SLC30A5: variants seen among roughly 807,000 people sequenced by gnomAD.
SLC30A5 encodes solute carrier family 30 member 5, also known as proton-coupled zinc antiporter SLC30A5.
In SLC30A5, 33 loss-of-function variants were observed where a neutral mutation model predicts 79.6. The observed-to-expected ratio is 0.41, with a 90% confidence interval of 0.31 to 0.55. SLC30A5 has a LOEUF of 0.55. Ranked by LOEUF, SLC30A5 falls within the 20% of genes least tolerant of loss-of-function variation. The pLI is 0.20. For synonymous variants in SLC30A5, 299 were observed against 319.7 expected, an observed-to-expected ratio of 0.94 and a Z score of 0.69; for missense variants, 788 against 928.1, an observed-to-expected ratio of 0.85 and a Z score of 1.96.
chr5:69,122,208 C>T (rs1417155018), intron 13 of SLC30A5, among the ~76,000 whole-genome samples: 2 of 152,102 alleles, frequency 1.3e-5, no homozygotes, highest in African/African-American at 2.4e-5. Context: ...ACCAGCCTGG[C>T]CAATATGGTG....
At chr5:69,110,997 C>CTT (rs565058785) in intron 5 of SLC30A5, among the ~76,000 whole-genome samples, 5 of 142,792 alleles carry the variant, frequency 3.5e-5, no homozygotes, top group African/African-American at 5.1e-5. Flanking sequence ...ATTGTTTTTT[C>CTT]TTTTTTTTTT....
At chr5:69,123,471 T>C in intron 14 of SLC30A5, 46 bp downstream of exon 14, 1 of 1,462,986 alleles carries the variant, frequency 6.8e-7, no homozygotes, top group Non-Finnish European at 9.5e-7. Context: ...GAAAATCACA[T>C]TTTTGAAGTC....
intron 1 of SLC30A5, among the ~76,000 whole-genome samples, chr5:69,098,752 C>T (rs184581912): frequency 4.7e-4 from 72 of 152,288 alleles, no homozygotes; most frequent in Non-Finnish European, 6.5e-4. Context: ...AAGGATACCA[C>T]TTCTTAGTTT....
intron 4 of SLC30A5, among the ~76,000 whole-genome samples, chr5:69,106,479 C>T (rs1460352861): frequency 1.3e-5 from 2 of 152,150 alleles, no homozygotes; most frequent in Admixed American, 1.3e-4. Context: ...TAGCTCCTGA[C>T]CTTATCACTA....
intron 2 of SLC30A5, 49 bp from the exon 3 acceptor site, chr5:69,103,013 G>T (rs1272575357): frequency 1.1e-6 from 1 of 907,472 alleles, no homozygotes; most frequent in Admixed American, 2.2e-5. Context: ...ACTGTATCTT[G>T]TGTTTAATAT....
intron 2 of SLC30A5, chr5:69,102,448 T>G (rs1184085855): frequency 6.6e-6 from 1 of 152,172 alleles, no homozygotes; most frequent in Admixed American, 6.5e-5. Flanking sequence ...TATTTCAAGA[T>G]TTATTACTGA....
chr5:69,108,254 G>A (rs1746139723), intron 4 of SLC30A5, 95 bp from the exon 5 acceptor site: 1 of 939,180 alleles, frequency 1.1e-6, no homozygotes, highest in East Asian at 2.5e-5. Flanking sequence ...GTGAAATCAA[G>A]GGGAAATGTT....
chr5:69,114,448 T>A lies in SLC30A5; in HGVS notation c.564T>A (p.Thr188=), dbSNP rs754783862. 9.9e-6 allele frequency: 16 copies of A among 1,610,864 alleles called. No individual in the cohort carries two copies. In the Admixed American group the frequency reaches 2.7e-4, roughly 27 times the overall value. ...HPEGHHDSAL[T]HMLYTAIAFL... is the part of the protein sequence containing the mutation. ...AAGGACATCATGACAGTGCTCTAAC[T>A]CATATGCTTTACACAGCCATTGCCT... is the stretch of plus-strand genomic sequence containing the variant. Residue 188 remains threonine (T), a synonymous_variant, in exon 7 of 16, where the codon ACT becomes ACA. Transcript: ENST00000396591.
Position 69,114,462 on chromosome 5 carries a change from C to G in SLC30A5, c.578C>G (p.Thr193Arg). 1.2e-6 allele frequency: 2 copies of G among 1,609,388 alleles called. No homozygotes were observed. Among genetic ancestry groups the G allele is most frequent in the South Asian group, 1.1e-5 (1 of 90,974 alleles). ...AGTGCTCTAACTCATATGCTTTACACAGCCATTGCCTTCTTAGGTGTGGCA... is the reference window on the plus strand; with the variant it reads ...AGTGCTCTAACTCATATGCTTTACAGAGCCATTGCCTTCTTAGGTGTGGCA... ...HDSALTHMLYTAIAFLGVADH... is the reference protein window; with the variant it reads ...HDSALTHMLYRAIAFLGVADH... The change falls in exon 7 of 16, where the codon ACA becomes AGA. Residue 193 changes from threonine (T) to arginine (R), a missense_variant. This residue lies in a region of SLC30A5 where 626 missense variants were observed against 755.5 expected (regional missense o/e 0.83). Transcript: ENST00000396591.
intron 1 of SLC30A5, among the ~76,000 whole-genome samples, 193 bp from the exon 2 acceptor site, chr5:69,100,612 TAA>T (rs33982147): frequency 0.34 from 45,067 of 134,488 alleles, 8,458 homozygotes; most frequent in African/African-American, 0.52. Context: ...CTCTATGAGT[TAA>T]AAAAAAAAAA....
chr5:69,099,539 G>A (rs984289594), intron 1 of SLC30A5, among the ~76,000 whole-genome samples: 3 of 152,120 alleles, frequency 2.0e-5, no homozygotes, highest in Non-Finnish European at 4.4e-5. Context: ...GTGGGAACCT[G>A]GGGATCTGAT....
At chr5:69,107,762 C>T (rs1401546455) in intron 4 of SLC30A5, among the ~76,000 whole-genome samples, 5 of 145,460 alleles carry the variant, frequency 3.4e-5, no homozygotes, top group African/African-American at 5.1e-5. Context: ...GAGATGGAGT[C>T]TCACTGTGTC....
At chr5:69,126,682 A>G (rs1399072383) in intron 14 of SLC30A5, among the ~76,000 whole-genome samples, 3 of 151,894 alleles carry the variant, frequency 2.0e-5, no homozygotes, top group Admixed American at 6.6e-5. Context: ...AGGCAGAAGA[A>G]TCGCTTGAAC....
At position 69,100,438 on chromosome 5, in the gene SLC30A5, A is replaced by C. The variant is rs540352186; in HGVS notation, c.84-369A>C. 1.1e-4 allele frequency among the ~76,000 whole-genome samples: 16 copies of C among 152,222 alleles called. No individual in the cohort carries two copies. In the East Asian group the frequency reaches 2.7e-3, roughly 26 times the overall value. On this transcript the variant is annotated intron_variant, in intron 1 of 15. Coordinates refer to ENST00000396591, the MANE Select transcript of SLC30A5 (RefSeq NM_022902.5). ...TTTTTTGTAGAGATAGGCTTTTGCC[A>C]CGTTGCGGAGGCTGGTCTCAAGCTA...
chr5:69,097,560 T>C (rs1173014675), intron 1 of SLC30A5, among the ~76,000 whole-genome samples: 1 of 152,214 alleles, frequency 6.6e-6, no homozygotes, highest in Non-Finnish European at 1.5e-5. Context: ...CTCAAACTCC[T>C]GGGCTTAAGC....
intron 2 of SLC30A5, 88 bp downstream of exon 2, chr5:69,101,017 C>G: frequency 7.7e-7 from 1 of 1,299,386 alleles, no homozygotes; most frequent in Non-Finnish European, 1.0e-6. Flanking sequence ...ACTTTACATA[C>G]AATATTTTGT....
intron 12 of SLC30A5, 42 bp from the exon 13 acceptor site, chr5:69,121,652 T>G (rs1269464608): frequency 2.2e-6 from 3 of 1,383,148 alleles, no homozygotes; most frequent in Non-Finnish European, 3.0e-6. Context: ...AAGTCTATTT[T>G]TAAATTACTA....
Position 69,095,852 on chromosome 5 carries a change from G to A in SLC30A5, c.83+1514G>A, listed in dbSNP as rs552347337. Among the ~76,000 whole-genome samples the A allele has an allele frequency of 1.2e-3, 187 of 152,056 alleles. 1 individual carries two copies. The highest frequency in any genetic ancestry group is 1.9e-3 in the South Asian group (9 of 4,802). On this transcript the variant is annotated intron_variant, in intron 1 of 15. Coordinates refer to ENST00000396591, the MANE Select transcript of SLC30A5 (RefSeq NM_022902.5). ...AGGCAGGTGGATCATCTGAGGTCAG[G>A]GGTTCGAGACCAGCCTGGCCAACAT...
At chr5:69,104,454 A>T in intron 3 of SLC30A5, 177 bp from the exon 4 acceptor site, 1 of 1,360,632 alleles carries the variant, frequency 7.3e-7, no homozygotes, top group Non-Finnish European at 9.4e-7. Flanking sequence ...GAATAAGAAT[A>T]CTGTCTTGGA....
Sources: allele counts gnomAD v4.1 joint callset (sites outside exome capture counted in the v4.1 genomes callset), GRCh38; gene constraint gnomAD v4.1.1; regional missense constraint gnomAD v4.1.1; transcripts MANE v1.5; gene names NCBI Gene and HGNC (gene_info 2026-07-23, HGNC 2026-07-21).